The following FRK variants were observed in gnomAD, a reference collection of about 807,000 sequenced individuals.
FRK encodes fyn related Src family tyrosine kinase.
In FRK, 51 loss-of-function variants were observed where a neutral mutation model predicts 56.4. The observed-to-expected ratio is 0.90, with a 90% CI of 0.72 to 1.14. The LOEUF is 1.14. FRK is among the 50% of genes most tolerant of loss of function. FRK has a pLI of 0.00. For synonymous variants in FRK, 245 were observed against 217.9 expected (o/e 1.12, Z -1.10); for missense variants, 570 against 601.4 (o/e 0.95, Z 0.55).
At chr6:115,983,946 T>C (rs1774300101) in intron 2 of FRK, among the ~76,000 whole-genome samples, 1 of 152,176 alleles carries the variant, frequency 6.6e-6, no homozygotes, top group Admixed American at 6.6e-5. Context: ...ATCCTCAAGG[T>C]TTAAATGCTT....
chr6:116,065,580 G>A (rs1024421806), upstream of FRK, among the ~76,000 whole-genome samples: 8 of 152,070 alleles, frequency 5.3e-5, no homozygotes, highest in African/African-American at 1.7e-4. Context: ...GATAAATATG[G>A]GTTCTTGTCT....
intron 2 of FRK, among the ~76,000 whole-genome samples, chr6:115,980,002 G>A (rs1774136346): frequency 1.3e-5 from 2 of 152,042 alleles, no homozygotes; most frequent in Admixed American, 6.6e-5. Context: ...TAAAATGAGA[G>A]AGAAATTTCT....
intron 1 of FRK, among the ~76,000 whole-genome samples, chr6:116,050,527 T>C (rs1224808278): frequency 1.3e-5 from 2 of 152,196 alleles, no homozygotes; most frequent in African/African-American, 4.8e-5. Context: ...GGGCCCTGTC[T>C]AACACCCTCT....
intron 2 of FRK, among the ~76,000 whole-genome samples, chr6:116,000,249 TTTTTTTTTTTTGA>T (rs1363664968): frequency 4.4e-5 from 2 of 45,696 alleles, no homozygotes; most frequent in African/African-American, 1.6e-4. Flanking sequence ...TTTTTTTTTT[TTTTTTTTTTTTGA>T]GACGGAGTCT....
intron 5 of FRK, among the ~76,000 whole-genome samples, chr6:115,954,417 C>A (rs1772907970): frequency 6.6e-6 from 1 of 152,160 alleles, no homozygotes; most frequent in Non-Finnish European, 1.5e-5. Flanking sequence ...GGAGCTACTG[C>A]AGAATTCAGG....
In FRK at chr6:115,994,333, C is replaced by T. The variant is rs865859978; in HGVS notation, c.466+9544G>A. On this transcript the variant is annotated intron_variant, in intron 2 of 7. Transcript: ENST00000606080. ...CCAGAATCTCACAACCTCCCCCCCC[C>T]CCGCCTTTTTTTTGTCATTATACTC... Among the ~76,000 whole-genome samples the T allele has an allele frequency of 5.7e-5, 6 of 105,960 alleles. 1 individual carries two copies. The highest frequency in any genetic ancestry group is 1.3e-4 in the African/African-American group (4 of 30,968). The allele number at this position is 105,960 out of a possible 152,430, so 69.5% of individuals were successfully genotyped here.
At chr6:115,989,567 T>A (rs2114657883) in intron 2 of FRK, among the ~76,000 whole-genome samples, 2 of 152,000 alleles carry the variant, frequency 1.3e-5, no homozygotes, top group Middle Eastern at 6.8e-3. Context: ...TTTTGAGTTA[T>A]TTCACTAAGG....
intron 1 of FRK, chr6:116,039,212 T>G (rs765341286): frequency 8.9e-6 from 13 of 1,455,442 alleles, no homozygotes; most frequent in Non-Finnish European, 1.3e-5. Flanking sequence ...GCAGATAACG[T>G]GAAGGACTGG....
intron 4 of FRK, among the ~76,000 whole-genome samples, chr6:115,966,062 T>TA (rs59379013): frequency 0.68 from 85,438 of 125,940 alleles, 27,697 homozygotes; most frequent in East Asian, 0.83. Flanking sequence ...AAAAAAAAAT[T>TA]AAAAAAAAAA....
intron 1 of FRK, chr6:116,039,427 G>T: frequency 6.4e-7 from 1 of 1,574,528 alleles, no homozygotes; most frequent in South Asian, 1.1e-5. Flanking sequence ...GCCTGAAGTG[G>T]ATGGCTTCCT....
chr6:116,079,764 A>T, the FRK span, among the ~76,000 whole-genome samples: 1 of 152,058 alleles, frequency 6.6e-6, no homozygotes, highest in Non-Finnish European at 1.5e-5. Context: ...TTTTGTAGAG[A>T]CAGGGTCTTA....
At chr6:115,977,643 G>A (rs1774036520) in intron 2 of FRK, among the ~76,000 whole-genome samples, 1 of 152,164 alleles carries the variant, frequency 6.6e-6, no homozygotes, top group Non-Finnish European at 1.5e-5. Flanking sequence ...AAGCCCAGCT[G>A]AGGTTACTTT....
intron 2 of FRK, among the ~76,000 whole-genome samples, chr6:115,988,484 A>C (rs1312903467): frequency 6.6e-6 from 1 of 152,050 alleles, no homozygotes; most frequent in African/African-American, 2.4e-5. Context: ...TTTGTTTTCA[A>C]CTAAAATCAG....
At chr6:116,087,610 T>C in the FRK span, among the ~76,000 whole-genome samples, 1 of 152,172 alleles carries the variant, frequency 6.6e-6, no homozygotes. Context: ...GAATACAGAG[T>C]AGCCCACAGA....
chr6:116,043,869 G>T (rs1424268024), intron 1 of FRK, among the ~76,000 whole-genome samples: 1 of 151,812 alleles, frequency 6.6e-6, no homozygotes, highest in East Asian at 1.9e-4. Flanking sequence ...AAAGAGAGAA[G>T]AATCAATTAG....
rs1771960692 is a variant in FRK at position 115,931,651 on chromosome 6, A to C, written c.*10763T>G. 6.6e-6 allele frequency: 1 copy of C among 152,206 alleles called. No individual in the cohort carries two copies. Among genetic ancestry groups the C allele is most frequent in the South Asian group, 2.1e-4 (1 of 4,834 alleles). The allele number at this position is 152,206 out of a possible 1,614,324, so 9.4% of individuals were successfully genotyped here. On this transcript the variant is annotated 3_prime_UTR_variant, in exon 8 of 8. Transcript: ENST00000606080. ...AATATAGATTTTGAAAATTGATTAAAAGCTATGATATATTTCTACTCTGAA... is the reference window on the plus strand; with the variant it reads ...AATATAGATTTTGAAAATTGATTAACAGCTATGATATATTTCTACTCTGAA...
intron 4 of FRK, among the ~76,000 whole-genome samples, chr6:115,966,078 T>C (rs1368621909): frequency 2.5e-4 from 4 of 16,260 alleles, no homozygotes; most frequent in African/African-American, 4.6e-4. Flanking sequence ...AAAAAAGAAA[T>C]ACTTAAAAAA....
chr6:115,968,870 CAGA>C, intron 2 of FRK, 131 bp from the exon 3 acceptor site: 2 of 766,466 alleles, frequency 2.6e-6, no homozygotes, highest in South Asian at 4.3e-5. Flanking sequence ...AACTTTGTCT[CAGA>C]AAAGATTTAA....
intron 5 of FRK, among the ~76,000 whole-genome samples, chr6:115,952,534 A>G (rs1772806588): frequency 6.6e-6 from 1 of 152,028 alleles, no homozygotes; most frequent in Non-Finnish European, 1.5e-5. Context: ...GGGATCTAGA[A>G]CTAGAAATAC....
Sources: allele counts gnomAD v4.1 joint callset (sites outside exome capture counted in the v4.1 genomes callset), GRCh38; gene constraint gnomAD v4.1.1; transcripts MANE v1.5; gene names NCBI Gene and HGNC (gene_info 2026-07-23, HGNC 2026-07-21).